The following GLI2 variants were observed in gnomAD, a reference collection of about 807,000 sequenced individuals.
GLI2 encodes the protein transcription activator GLI2.
In GLI2, 22 loss-of-function variants were observed where a neutral mutation model predicts 78.9. The ratio of observed to expected loss-of-function variants is 0.28; its 90% CI spans 0.20 to 0.40. GLI2 has a LOEUF of 0.40. Among genes scored for constraint, GLI2 ranks in the 10% least tolerant of loss-of-function variants. The pLI, the probability that GLI2 is intolerant of heterozygous loss-of-function variation, is 1.00. For synonymous variants in GLI2, 974 were observed against 963.7 expected, an observed-to-expected ratio of 1.01 and a Z score of -0.20; for missense variants, 2,097 against 2,213.2, an observed-to-expected ratio of 0.95 and a Z score of 1.05.
chr2:120,974,780 GT>G, intron 8 of GLI2, 194 bp from the exon 9 acceptor site: 1 of 35,868 alleles, frequency 2.8e-5, no homozygotes, highest in South Asian at 2.2e-4. Context: ...AGGCTGATGA[GT>G]GTGTGTGTGT....
rs150242484 is a variant in GLI2, at chr2:120,784,182, T to C, written c.-30-13109T>C. Among the ~76,000 whole-genome samples the C allele has an allele frequency of 1.1e-4, 17 of 152,242 alleles. No individual in the cohort carries two copies. The East Asian group carries it at 2.5e-3, about 23-fold the overall frequency. On this transcript the variant is annotated intron_variant, in intron 1 of 13. Coordinates refer to ENST00000361492, the MANE Select transcript of GLI2 (RefSeq NM_001374353.1). The stretch of plus-strand genomic sequence containing the variant: ...CAACTGTGTGCCAGGGGCCTGGGAA[T>C]GAAAGTCAAATATCTGAGCCATCCA...
intron 2 of GLI2, among the ~76,000 whole-genome samples, chr2:120,877,639 T>A (rs527903280): frequency 1.1e-4 from 16 of 152,244 alleles, no homozygotes; most frequent in Non-Finnish European, 2.2e-4. Flanking sequence ...TGTGCACTTT[T>A]CTATCTGGTT....
At chr2:120,985,634 G>A (rs1366889757) in intron 12 of GLI2, among the ~76,000 whole-genome samples, 1 of 152,198 alleles carries the variant, frequency 6.6e-6, no homozygotes, top group Non-Finnish European at 1.5e-5. Context: ...CAGAGGTGGT[G>A]GTGCATCTGG....
At chr2:120,801,014 A>T (rs1684684947) in intron 2 of GLI2, among the ~76,000 whole-genome samples, 1 of 152,154 alleles carries the variant, frequency 6.6e-6, no homozygotes, top group African/African-American at 2.4e-5. Flanking sequence ...ATGGCCCCTC[A>T]TGCAGCCTCC....
intron 2 of GLI2, among the ~76,000 whole-genome samples, chr2:120,863,977 G>A (rs964372398): frequency 6.6e-6 from 1 of 152,226 alleles, no homozygotes; most frequent in Non-Finnish European, 1.5e-5. Context: ...CAGTTTGGCA[G>A]CAAAATGACT....
rs747940360 is a variant in GLI2 at position 120,990,633 on chromosome 2, C to A, written c.4668C>A (p.Thr1556=). 6.2e-7 allele frequency: 1 copy of A among 1,613,346 alleles called. No homozygotes were observed. Among genetic ancestry groups the A allele is most frequent in the Non-Finnish European group, 8.5e-7 (1 of 1,179,648 alleles). The change falls in exon 14 of 14, where the codon ACC becomes ACA. Residue 1556 remains threonine, a synonymous_variant. Coordinates refer to ENST00000361492, the MANE Select transcript of GLI2 (RefSeq NM_001374353.1). ...TCGGGGACATGAGCTCCATGCTCAC[C>A]AGCCTCGCCGAGGAGAGCAAGTTCC... is the stretch of plus-strand genomic sequence containing the variant. ...MAVGDMSSML[T]SLAEESKFLN...
chr2:120,850,248 C>A (rs968869471), intron 2 of GLI2, among the ~76,000 whole-genome samples: 12 of 152,070 alleles, frequency 7.9e-5, no homozygotes, highest in African/African-American at 2.9e-4. Flanking sequence ...TGTAAAATTT[C>A]AAATAACCAA....
chr2:120,973,350 T>A (rs1479208646), intron 8 of GLI2, among the ~76,000 whole-genome samples: 1 of 152,214 alleles, frequency 6.6e-6, no homozygotes, highest in African/African-American at 2.4e-5. Context: ...ACTGAGCACC[T>A]GGGAGCCCCA....
chr2:120,798,178 A>T (rs1378790596), intron 2 of GLI2, among the ~76,000 whole-genome samples: 1 of 152,204 alleles, frequency 6.6e-6, no homozygotes, highest in Non-Finnish European at 1.5e-5. Flanking sequence ...CAGTGCATTT[A>T]GTCAGGCCCT....
At chr2:120,864,638 A>AT (rs927129525) in intron 2 of GLI2, among the ~76,000 whole-genome samples, 8 of 151,982 alleles carry the variant, frequency 5.3e-5, no homozygotes, top group Admixed American at 6.6e-5. Flanking sequence ...CACCCAGCTA[A>AT]TTTTTTTGTA....
At chr2:120,972,735 C>T (rs1157707828) in intron 8 of GLI2, 2 of 512,062 alleles carry the variant, frequency 3.9e-6, no homozygotes, top group South Asian at 2.9e-5. Flanking sequence ...CAGTGAGTGG[C>T]GTGGTGAGGG....
chr2:120,757,374 T>C (rs776505), intron 1 of GLI2, among the ~76,000 whole-genome samples: 104,023 of 152,148 alleles, frequency 0.68, 37,042 homozygotes, highest in African/African-American at 0.9. Flanking sequence ...AAAGTTTAAT[T>C]TTTTTAGCTT....
intron 2 of GLI2, among the ~76,000 whole-genome samples, chr2:120,803,428 C>A (rs1359712649): frequency 6.6e-6 from 1 of 152,242 alleles, no homozygotes; most frequent in Non-Finnish European, 1.5e-5. Context: ...ATTCTTCCTA[C>A]CAGTTTTCCT....
Position 120,990,773 on chromosome 2 carries a change from A to C in GLI2, c.*98A>C, listed in dbSNP as rs1683265578. ...TTGTCTTTTTCCAAAAAAGTGTTAA[A>C]TAGGCTTGAGGGGTTGTTGCGCAAT... On this transcript the variant is annotated 3_prime_UTR_variant, in exon 14 of 14. Coordinates refer to ENST00000361492, the MANE Select transcript of GLI2 (RefSeq NM_001374353.1). 9.3e-7 allele frequency: 1 copy of C among 1,070,314 alleles called. No individual in the cohort carries two copies. The highest frequency in any genetic ancestry group is 2.3e-5 in the Admixed American group (1 of 43,700). 66.3% of individuals were successfully genotyped at this position (1,070,314 alleles called of 1,614,324 possible). A position where few individuals can be genotyped will look rare whatever the true frequency, so the allele number is the denominator to read the frequency against.
In GLI2 at chr2:120,986,686, A is replaced by G. The variant is rs1278670337; in HGVS notation, c.2242+72A>G. On this transcript the variant is annotated intron_variant, in intron 13 of 13. Coordinates refer to ENST00000361492, the MANE Select transcript of GLI2 (RefSeq NM_001374353.1). ...GGCAGCACCAACTAGGCTGGCACCCACCAAGCACCAGTGCTATCTCACCGG... is the reference window on the plus strand; with the variant it reads ...GGCAGCACCAACTAGGCTGGCACCCGCCAAGCACCAGTGCTATCTCACCGG... 2.5e-6 allele frequency: 3 copies of G among 1,215,846 alleles called. No individual in the cohort carries two copies. In the African/African-American group the frequency reaches 4.5e-5, roughly 18 times the overall value. The allele number at this position is 1,215,846 out of a possible 1,614,324, so 75.3% of individuals were successfully genotyped here.
intron 2 of GLI2, among the ~76,000 whole-genome samples, chr2:120,826,870 C>G (rs1008812308): frequency 2.0e-5 from 3 of 152,196 alleles, no homozygotes; most frequent in Non-Finnish European, 4.4e-5. Context: ...CTCCCGCTTC[C>G]TCTGTCTCCC....
chr2:120,769,617 A>C (rs1573360382), intron 1 of GLI2, among the ~76,000 whole-genome samples: 1 of 152,192 alleles, frequency 6.6e-6, no homozygotes, highest in African/African-American at 2.4e-5. Flanking sequence ...TTGCCCCTGC[A>C]GTGCTCATGC....
chr2:120,923,390 A>G (rs1292499298), intron 2 of GLI2, among the ~76,000 whole-genome samples: 2 of 152,104 alleles, frequency 1.3e-5, no homozygotes, highest in East Asian at 1.9e-4. Flanking sequence ...ACAGCAACAC[A>G]TGCATACAAC....
intron 2 of GLI2, among the ~76,000 whole-genome samples, chr2:120,865,970 G>A (rs1429714981): frequency 6.6e-6 from 1 of 152,222 alleles, no homozygotes; most frequent in African/African-American, 2.4e-5. Context: ...GCACTGCCCA[G>A]ACTCAGAGTG....
Sources: gnomAD v4.1 joint callset for allele counts (sites outside exome capture counted in the v4.1 genomes callset) on GRCh38, gnomAD v4.1.1 for gene constraint, MANE v1.5 for transcripts, NCBI Gene and HGNC (gene_info 2026-07-23, HGNC 2026-07-21) for gene names.